KANTR: variants seen among roughly 807,000 people sequenced by gnomAD.
The protein encoded by KANTR is KDM5C adjacent transcript.
intron 2 of KANTR, among the ~76,000 whole-genome samples, chrX:53,105,854 CTTTTTTTTTTTT>C (rs1181859013): frequency 1.4e-5 from 1 of 72,071 alleles, no homozygotes; most frequent in East Asian, 4.1e-4. Context: ...ATGTTTTTTT[CTTTTTTTTTTTT>C]TTTTTTTTTG....
chrX:53,098,830 A>G (rs1340484963), intron 1 of KANTR, among the ~76,000 whole-genome samples: 2 of 110,583 alleles, frequency 1.8e-5, no homozygotes, highest in African/African-American at 3.3e-5. Flanking sequence ...GGCTCAAGCA[A>G]TCTTCCCACC....
intron 2 of KANTR, among the ~76,000 whole-genome samples, chrX:53,138,929 A>G (rs183352402): frequency 2.7e-3 from 301 of 110,672 alleles, no homozygotes; most frequent in African/African-American, 9.3e-3. Flanking sequence ...AATGGATTCT[A>G]GGGGCCAGGC....
At chrX:53,129,696 T>C (rs1298116219), downstream of KANTR, among the ~76,000 whole-genome samples, 11 of 110,267 alleles carry the variant, frequency 1.0e-4, no homozygotes, top group African/African-American at 3.6e-4. Flanking sequence ...CCTTTAATTA[T>C]TGCTTGACTC....
At chrX:53,131,296 G>A (rs1452889828), downstream of KANTR, among the ~76,000 whole-genome samples, 9 of 111,462 alleles carry the variant, frequency 8.1e-5, no homozygotes, top group Admixed American at 2.9e-4. Flanking sequence ...AAACAGGCGC[G>A]TGGTGGGGAG....
chrX:53,128,466 A>T (rs1328159026), downstream of KANTR, among the ~76,000 whole-genome samples: 1 of 111,639 alleles, frequency 9.0e-6, no homozygotes, highest in African/African-American at 3.3e-5. Context: ...GATTTAGTTT[A>T]ACTTTCTAAT....
At chrX:53,104,257 C>T (rs190128167) in intron 2 of KANTR, among the ~76,000 whole-genome samples, 26 of 110,358 alleles carry the variant, frequency 2.4e-4, no homozygotes, top group African/African-American at 5.9e-4. Context: ...GACAGCCTCT[C>T]GCTCTGTCAC....
intron 1 of KANTR, among the ~76,000 whole-genome samples, chrX:53,097,350 G>GTTTTTTTTTTTT (rs781783647): frequency 1.0e-4 from 7 of 68,001 alleles, no homozygotes; most frequent in East Asian, 5.8e-4. Flanking sequence ...TTTGTTTTAA[G>GTTTTTTTTTTTT]TTTTTTTTTT....
At chrX:53,141,805 G>GA (rs1556818502) in intron 2 of KANTR, 2 of 206,755 alleles carry the variant, frequency 9.7e-6, no homozygotes, top group South Asian at 1.2e-4. Context: ...GAATTATGTA[G>GA]AAAAAAACCT....
chrX:53,094,734 G>C (rs1244205955), intron 1 of KANTR: 1 of 112,115 alleles, frequency 8.9e-6, no homozygotes, highest in Non-Finnish European at 1.9e-5. Context: ...CTGGGCCTCA[G>C]TTTCCTCATC....
chrX:53,124,605 T>G lies in KANTR; in HGVS notation c.*102T>G, dbSNP rs58883342. The G allele has an allele frequency of 9.6e-3, 2,806 of 292,418 alleles. 64 individuals are homozygous for G. The highest frequency in any genetic ancestry group is 0.07 in the African/African-American group (2,558 of 36,465). 24.1% of individuals were successfully genotyped at this position (292,418 alleles called of 1,213,427 possible). Reference sequence around the variant, plus strand: ...TCTAACTCCTGCTTCTCCATAAGTTTAGATATGTAGTATTTTCATTATTGC... The same window carrying G: ...TCTAACTCCTGCTTCTCCATAAGTTGAGATATGTAGTATTTTCATTATTGC... On this transcript the variant is annotated 3_prime_UTR_variant, in exon 3 of 3. Coordinates refer to ENST00000604062, the Ensembl canonical transcript of KANTR.
At chrX:53,098,637 T>C (rs1932864907) in intron 1 of KANTR, among the ~76,000 whole-genome samples, 1 of 112,121 alleles carries the variant, frequency 8.9e-6, no homozygotes, top group Non-Finnish European at 1.9e-5. Context: ...TTGTTTCCAG[T>C]GTTCACAGCA....
chrX:53,145,172 A>C (rs1054767112), downstream of KANTR, among the ~76,000 whole-genome samples: 2 of 111,388 alleles, frequency 1.8e-5, no homozygotes, highest in African/African-American at 3.3e-5. Context: ...CAGTGGGTAC[A>C]GTGCACTGAG....
At chrX:53,101,002 A>C (rs1374512614) in intron 2 of KANTR, among the ~76,000 whole-genome samples, 1 of 111,574 alleles carries the variant, frequency 9.0e-6, no homozygotes, top group African/African-American at 3.3e-5. Context: ...CACCTTTCTC[A>C]GCCTTCATAG....
chrX:53,113,266 T>A (rs1933068655), intron 2 of KANTR: 1 of 194,111 alleles, frequency 5.2e-6, no homozygotes, highest in Admixed American at 5.4e-5. Context: ...CTTTCCCAGG[T>A]TTCATGAACT....
chrX:53,114,211 A>T (rs914419196), intron 2 of KANTR, among the ~76,000 whole-genome samples: 4 of 110,160 alleles, frequency 3.6e-5, no homozygotes, highest in African/African-American at 9.9e-5. Flanking sequence ...GGTTAAAAAA[A>T]TTTTTTCCTT....
chrX:53,133,920 T>C (rs1394644229), intron 2 of KANTR, among the ~76,000 whole-genome samples: 1 of 111,912 alleles, frequency 8.9e-6, no homozygotes, highest in African/African-American at 3.3e-5. Context: ...AGACTCACTA[T>C]GACTGAGAGA....
chrX:53,113,874 C>A (rs1378652601), intron 2 of KANTR, among the ~76,000 whole-genome samples: 1 of 108,210 alleles, frequency 9.2e-6, no homozygotes, highest in Non-Finnish European at 1.9e-5. Context: ...AGCCACTGCA[C>A]CCAGTCGATT....
intron 2 of KANTR, among the ~76,000 whole-genome samples, chrX:53,121,755 A>T: frequency 9.0e-6 from 1 of 111,037 alleles, no homozygotes; most frequent in Non-Finnish European, 1.9e-5. Flanking sequence ...TTTAGAGTGG[A>T]GTTGTTTTTG....
intron 1 of KANTR, among the ~76,000 whole-genome samples, chrX:53,095,914 C>G (rs1384651167): frequency 9.0e-6 from 1 of 111,220 alleles, no homozygotes; most frequent in Admixed American, 9.6e-5. Flanking sequence ...ACTCTCCCCC[C>G]TTGCTCACTC....
Sources: allele counts gnomAD v4.1 joint callset (sites outside exome capture counted in the v4.1 genomes callset), GRCh38; gene constraint gnomAD v4.1.1; transcripts MANE v1.5; gene names NCBI Gene and HGNC (gene_info 2026-07-23, HGNC 2026-07-21).